Variants in ALK observed in about 807,000 individuals in gnomAD.
ALK encodes ALK tyrosine kinase receptor.
ALK carries 74 observed loss-of-function variants against 163.1 expected under a neutral mutation model. The observed-to-expected ratio is 0.45, with a 90% CI of 0.38 to 0.55. The LOEUF is 0.55. Among genes scored for constraint, ALK ranks in the 20% least tolerant of loss-of-function variants. The pLI, the probability that ALK is intolerant of heterozygous loss-of-function variation, is 0.00. For synonymous variants in ALK, 960 were observed against 843.2 expected, an observed-to-expected ratio of 1.14 and a Z score of -2.40; for missense variants, 2,063 against 2,105.3, an observed-to-expected ratio of 0.98 and a Z score of 0.39.
chr2:29,514,579 C>G (rs1672612661), intron 4 of ALK, among the ~76,000 whole-genome samples: 1 of 152,142 alleles, frequency 6.6e-6, no homozygotes, highest in Non-Finnish European at 1.5e-5. Context: ...CCCTTGTGTC[C>G]ACATGCGTTT....
intron 3 of ALK, 104 bp from the exon 4 acceptor site, chr2:29,532,220 T>C (rs145988027): frequency 4.4e-4 from 474 of 1,072,838 alleles, no homozygotes; most frequent in Non-Finnish European, 5.2e-4. Flanking sequence ...TCAGAGATAC[T>C]GGAGGCCATT....
intron 1 of ALK, among the ~76,000 whole-genome samples, chr2:29,756,684 G>A (rs148095212): frequency 2.6e-5 from 4 of 152,098 alleles, no homozygotes; most frequent in East Asian, 3.9e-4. Context: ...GCACCACCAC[G>A]ACTGGCTAAT....
At position 29,222,458 on chromosome 2, in the gene ALK, A is replaced by G. The variant is rs1231693474; in HGVS notation, c.3451-50T>C. The G allele has an allele frequency of 3.1e-6, 5 of 1,612,410 alleles. No homozygotes were observed. The South Asian group carries it at 4.4e-5, about 14-fold the overall frequency. On this transcript the variant is annotated intron_variant, in intron 21 of 28. Transcript: ENST00000389048. ...GAGGAGGAGGAGGCTGTGAGCTGAG[A>G]ACTGCAGCCTACAGAGTCCGCAAGC...
intron 1 of ALK, among the ~76,000 whole-genome samples, chr2:29,859,636 GA>G (rs753618992): frequency 2.8e-4 from 42 of 151,988 alleles, no homozygotes; most frequent in Non-Finnish European, 5.9e-4. Context: ...AAAATAAATA[GA>G]AAAAATCAGG....
At chr2:29,715,225 C>T (rs912804089) in intron 2 of ALK, among the ~76,000 whole-genome samples, 7 of 152,174 alleles carry the variant, frequency 4.6e-5, no homozygotes, top group East Asian at 3.8e-4. Flanking sequence ...TAAGGAACCA[C>T]CAATGAAGAA....
At chr2:29,694,083 C>T (rs940871420) in intron 3 of ALK, among the ~76,000 whole-genome samples, 2 of 152,202 alleles carry the variant, frequency 1.3e-5, no homozygotes. Flanking sequence ...AGGTCCAAGA[C>T]ATTGGGAGTC....
chr2:29,404,301 C>T (rs7575501), intron 4 of ALK, among the ~76,000 whole-genome samples: 77,282 of 123,066 alleles, frequency 0.63, 22,561 homozygotes, highest in East Asian at 0.96. Flanking sequence ...GAGCAAGACT[C>T]CGTCTCAAAA....
At chr2:29,221,595 T>C (rs1013106616) in intron 22 of ALK, among the ~76,000 whole-genome samples, 11 of 152,228 alleles carry the variant, frequency 7.2e-5, no homozygotes, top group African/African-American at 2.7e-4. Context: ...AGGAATTATA[T>C]GTATCATCAG....
At chr2:29,831,374 T>C (rs1260474453) in intron 1 of ALK, among the ~76,000 whole-genome samples, 1 of 151,506 alleles carries the variant, frequency 6.6e-6, no homozygotes, top group African/African-American at 2.4e-5. Flanking sequence ...ATCTGGGTTT[T>C]CATTAGACTC....
At chr2:29,598,642 T>A (rs1352395803) in intron 3 of ALK, among the ~76,000 whole-genome samples, 3 of 152,148 alleles carry the variant, frequency 2.0e-5, no homozygotes, top group African/African-American at 4.8e-5. Context: ...AAGCTATGTA[T>A]AATCAGATTT....
At position 29,436,427 on chromosome 2, in the gene ALK, C is replaced by T. The variant is rs116530315; in HGVS notation, c.1155-52568G>A. 5.8e-3 allele frequency among the ~76,000 whole-genome samples: 876 copies of T among 152,278 alleles called. 10 individuals carry two copies. Among genetic ancestry groups the T allele is most frequent in the African/African-American group, 0.02 (832 of 41,562 alleles). On this transcript the variant is annotated intron_variant, in intron 4 of 28. Transcript: ENST00000389048. ...ATTCCCCAGGGGACTGGTTTTATAA[C>T]GTCATCATCTTTAAGCCAATACCTT...
At chr2:29,424,885 C>T (rs115739872) in intron 4 of ALK, among the ~76,000 whole-genome samples, 2,285 of 152,218 alleles carry the variant, frequency 0.015, 33 homozygotes, top group African/African-American at 0.053. Context: ...ATTAACTTTC[C>T]ATTGAGGGTA....
At chr2:29,377,557 G>A (rs1668786824) in intron 5 of ALK, among the ~76,000 whole-genome samples, 1 of 152,126 alleles carries the variant, frequency 6.6e-6, no homozygotes, top group South Asian at 2.1e-4. Context: ...CCCATTGAGG[G>A]GGAATGTCAA....
intron 3 of ALK, among the ~76,000 whole-genome samples, chr2:29,687,555 TTTATC>T: frequency 6.6e-6 from 1 of 152,270 alleles, no homozygotes; most frequent in Non-Finnish European, 1.5e-5. Context: ...GATAGCATGT[TTTATC>T]TTATTATAAA....
At chr2:29,249,621 A>G (rs1664766208) in intron 12 of ALK, among the ~76,000 whole-genome samples, 1 of 151,950 alleles carries the variant, frequency 6.6e-6, no homozygotes, top group Non-Finnish European at 1.5e-5. Flanking sequence ...AGCTCCTCCG[A>G]CTCCAGAGTT....
intron 5 of ALK, among the ~76,000 whole-genome samples, chr2:29,347,345 T>C (rs949212931): frequency 1.3e-5 from 2 of 152,206 alleles, no homozygotes. Context: ...GGTGGGCTAC[T>C]GGGCTGATGG....
At chr2:29,507,435 G>T (rs901939322) in intron 4 of ALK, among the ~76,000 whole-genome samples, 1 of 152,176 alleles carries the variant, frequency 6.6e-6, no homozygotes, top group Non-Finnish European at 1.5e-5. Flanking sequence ...TGATGAAAAG[G>T]TTCTAGAGAT....
intron 5 of ALK, among the ~76,000 whole-genome samples, chr2:29,375,913 T>TA (rs1473826376): frequency 6.6e-6 from 1 of 152,138 alleles, no homozygotes; most frequent in African/African-American, 2.4e-5. Context: ...AAGTTCATCT[T>TA]AATCAAAAAC....
In ALK at chr2:29,396,845, T is replaced by TTGTTTTTTG. The variant is rs1351448866; in HGVS notation, c.1155-12987_1155-12986insCAAAAAACA. Reference sequence around the variant, plus strand: ...GCCCTTTGTTACTATGGTTTTTTTTTTTTTTTTTTTTTTTTGCTACTTGGC... The same window carrying TTGTTTTTTG: ...GCCCTTTGTTACTATGGTTTTTTTTTTGTTTTTTGTTTTTTTTTTTTTTTGCTACTTGGC... On this transcript the variant is annotated intron_variant, in intron 4 of 28. Transcript: ENST00000389048. Among the ~76,000 whole-genome samples the TTGTTTTTTG allele has an allele frequency of 7.7e-3, 1,026 of 133,694 alleles. 36 individuals carry two copies. Among genetic ancestry groups the TTGTTTTTTG allele is most frequent in the African/African-American group, 0.027 (952 of 35,192 alleles). The allele number at this position is 133,694 out of a possible 152,430, so 87.7% of individuals were successfully genotyped here.
Sources: allele counts gnomAD v4.1 joint callset (sites outside exome capture counted in the v4.1 genomes callset), GRCh38; gene constraint gnomAD v4.1.1; transcripts MANE v1.5; gene names NCBI Gene and HGNC (gene_info 2026-07-23, HGNC 2026-07-21).